NR5A2: variants seen among roughly 807,000 people sequenced by gnomAD.
NR5A2 encodes CYP7A promoter-binding factor.
A neutral mutation model predicts 62.7 loss-of-function variants in NR5A2; 26 were observed. That is an observed-to-expected ratio of 0.41 (90% CI 0.30 to 0.58). NR5A2 has a LOEUF of 0.58. Ranked by LOEUF, NR5A2 falls within the 20% of genes least tolerant of loss-of-function variation. The pLI is 0.22. For synonymous variants in NR5A2, 246 were observed against 241.7 expected (o/e 1.02, Z -0.16); for missense variants, 541 against 669.1 (o/e 0.81, Z 2.11).
At chr1:200,065,750 G>A (rs1663438370) in intron 5 of NR5A2, among the ~76,000 whole-genome samples, 1 of 152,150 alleles carries the variant, frequency 6.6e-6, no homozygotes, top group Non-Finnish European at 1.5e-5. Context: ...AGTTAGAGGG[G>A]TTCAGAGAAG....
chr1:200,173,952 T>TA lies in NR5A2; in HGVS notation c.1379-11_1379-10insA. 1 of 1,346,290 alleles carries TA rather than the reference T, an allele frequency of 7.4e-7. No homozygotes were observed. The highest frequency in any genetic ancestry group is 9.6e-7 in the Non-Finnish European group (1 of 1,039,770). The allele number at this position is 1,346,290 out of a possible 1,614,324, so 83.4% of individuals were successfully genotyped here. ...GAAATGTTGCTTTTTTTTTTTTTTTTTTTAATGCAGATGTCAAAAACCTTG... is the reference window on the plus strand; with the variant it reads ...GAAATGTTGCTTTTTTTTTTTTTTTTATTTAATGCAGATGTCAAAAACCTTG... On this transcript the variant is annotated splice_polypyrimidine_tract_variant and intron_variant, in intron 7 of 7. Transcript: ENST00000367362.
At chr1:200,035,758 G>C (rs1040718288) in intron 1 of NR5A2, among the ~76,000 whole-genome samples, 1 of 152,112 alleles carries the variant, frequency 6.6e-6, no homozygotes, top group African/African-American at 2.4e-5. Context: ...AACACTTTAA[G>C]ACAAAGTCAG....
intron 2 of NR5A2, 71 bp from the exon 3 acceptor site, chr1:200,043,703 T>C: frequency 2.1e-6 from 2 of 971,822 alleles, no homozygotes; most frequent in Non-Finnish European, 1.5e-6. Flanking sequence ...ACCAAAATGC[T>C]TTTTGTTGCA....
chr1:200,167,106 C>T (rs147091924), intron 7 of NR5A2, among the ~76,000 whole-genome samples: 11 of 152,278 alleles, frequency 7.2e-5, no homozygotes, highest in Non-Finnish European at 1.5e-4. Context: ...ACCCATCACC[C>T]ATCAGCTGTA....
At chr1:200,052,452 C>T (rs888664175) in intron 5 of NR5A2, among the ~76,000 whole-genome samples, 6 of 152,154 alleles carry the variant, frequency 3.9e-5, no homozygotes, top group African/African-American at 1.4e-4. Flanking sequence ...TCCTGAAGTG[C>T]TGGGATTACA....
chr1:200,162,580 A>C (rs1321759042), intron 7 of NR5A2, among the ~76,000 whole-genome samples: 1 of 152,104 alleles, frequency 6.6e-6, no homozygotes, highest in Non-Finnish European at 1.5e-5. Flanking sequence ...GTTGTGAGGA[A>C]AATGCATTTG....
At chr1:200,074,696 C>T (rs1354355491) in intron 5 of NR5A2, among the ~76,000 whole-genome samples, 2 of 137,380 alleles carry the variant, frequency 1.5e-5, no homozygotes, top group African/African-American at 2.7e-5. Context: ...GAGATCACAC[C>T]ACTGCACTCC....
chr1:200,147,354 T>A lies in NR5A2; in HGVS notation c.1378+26399T>A, dbSNP rs945725698. Among the ~76,000 whole-genome samples, 3 of 152,108 alleles carry A rather than the reference T, an allele frequency of 2.0e-5. No individual in the cohort carries two copies. The highest frequency in any genetic ancestry group is 2.0e-4 in the Admixed American group (3 of 15,260). ...CAGCAAAGCTCGGCCTACATGGAGG[T>A]TTGCTGACTCCCCCAGGCCACCTTA... On this transcript the variant is annotated intron_variant, in intron 7 of 7. Coordinates refer to ENST00000367362, the MANE Select transcript of NR5A2 (RefSeq NM_205860.3). This position sits in a 1 kb window ranked among gnomAD's most constrained non-coding sequence, Gnocchi z 4.9.
chr1:200,141,134 G>A (rs541124968), intron 7 of NR5A2, among the ~76,000 whole-genome samples: 3 of 152,112 alleles, frequency 2.0e-5, no homozygotes, highest in Non-Finnish European at 4.4e-5. Context: ...AAATGCACTC[G>A]TTTGTGTGTT....
Position 200,046,553 on chromosome 1 carries a change from A to G in NR5A2, c.463+969A>G, listed in dbSNP as rs566337908. The stretch of plus-strand genomic sequence containing the variant: ...GGAACTCATACTTGATAGAAATACT[A>G]AAAAAAAAAATCATATAAATCTGCT... On this transcript the variant is annotated intron_variant, in intron 4 of 7. Transcript: ENST00000367362. Among the ~76,000 whole-genome samples, 5 of 147,360 alleles carry G rather than the reference A, an allele frequency of 3.4e-5. No individual in the cohort carries two copies. The South Asian group carries it at 8.5e-4, about 25-fold the overall frequency.
Position 200,141,597 on chromosome 1 carries a change from A to G in NR5A2, c.1378+20642A>G, listed in dbSNP as rs573517824. On this transcript the variant is annotated intron_variant, in intron 7 of 7. Coordinates refer to ENST00000367362, the MANE Select transcript of NR5A2 (RefSeq NM_205860.3). Reference sequence around the variant, plus strand: ...ATCATGTATGGGTTTTTATGTAAATATAAGTTTTCATTTCTCTTGGATAAA... The same window carrying G: ...ATCATGTATGGGTTTTTATGTAAATGTAAGTTTTCATTTCTCTTGGATAAA... 7.2e-5 allele frequency among the ~76,000 whole-genome samples: 11 copies of G among 152,314 alleles called. No individual in the cohort carries two copies. The South Asian group carries it at 1.9e-3, about 26-fold the overall frequency.
chr1:200,047,169 C>T (rs912001170), intron 4 of NR5A2, among the ~76,000 whole-genome samples: 1 of 152,222 alleles, frequency 6.6e-6, no homozygotes, highest in East Asian at 1.9e-4. Flanking sequence ...GAGGGAACTG[C>T]TAACTAACTT....
At chr1:200,062,227 T>TTGTGTGTGTG (rs6143563) in intron 5 of NR5A2, among the ~76,000 whole-genome samples, 4,085 of 145,714 alleles carry the variant, frequency 0.028, 112 homozygotes, top group African/African-American at 0.063. Context: ...CTGGCAGATT[T>TTGTGTGTGTG]TGTGTGTGTG....
chr1:200,167,149 C>T (rs1291145952), intron 7 of NR5A2, among the ~76,000 whole-genome samples: 2 of 152,168 alleles, frequency 1.3e-5, no homozygotes, highest in Admixed American at 6.5e-5. Context: ...ACCTCCAGCC[C>T]AAGCCTTTCT....
chr1:200,130,551 G>A (rs184527517), intron 7 of NR5A2, among the ~76,000 whole-genome samples: 16 of 152,274 alleles, frequency 1.1e-4, no homozygotes, highest in Non-Finnish European at 1.6e-4. Flanking sequence ...TCAGAAGGGT[G>A]GAAAACTAGT....
chr1:200,072,387 C>T (rs573710624), intron 5 of NR5A2, among the ~76,000 whole-genome samples: 28 of 152,216 alleles, frequency 1.8e-4, no homozygotes, highest in Admixed American at 1.8e-3. Flanking sequence ...AATTTTGCTT[C>T]AGTATCTAAG....
chr1:200,030,259 G>T (rs1373758675), intron 1 of NR5A2, among the ~76,000 whole-genome samples: 3 of 152,176 alleles, frequency 2.0e-5, no homozygotes, highest in Non-Finnish European at 4.4e-5. Context: ...TAATTCAGTT[G>T]TGTTGTACTA....
intron 5 of NR5A2, among the ~76,000 whole-genome samples, chr1:200,075,155 G>T (rs1663966492): frequency 6.6e-6 from 1 of 152,114 alleles, no homozygotes; most frequent in Non-Finnish European, 1.5e-5. Context: ...TATTTTGTGT[G>T]ATGCCAAATG....
intron 6 of NR5A2, among the ~76,000 whole-genome samples, chr1:200,114,518 TC>T (rs1377620165): frequency 6.6e-6 from 1 of 152,070 alleles, no homozygotes; most frequent in Non-Finnish European, 1.5e-5. Flanking sequence ...TTCCAAAACT[TC>T]CTGGCTGTGT....
Sources: gnomAD v4.1 joint callset for allele counts (sites outside exome capture counted in the v4.1 genomes callset) on GRCh38, gnomAD v4.1.1 for gene constraint, Gnocchi (gnomAD v3.1) non-coding constraint, MANE v1.5 for transcripts, NCBI Gene and HGNC (gene_info 2026-07-23, HGNC 2026-07-21) for gene names.